Variants in ECEL1 observed in about 807,000 individuals in gnomAD.
ECEL1 encodes the protein endothelin converting enzyme like 1, also known as endothelin-converting enzyme-like 1.
ECEL1 carries 87 observed loss-of-function variants against 101.8 expected under a neutral mutation model. The observed-to-expected ratio is 0.85, with a 90% CI of 0.72 to 1.02. ECEL1 has a LOEUF of 1.02. Among genes scored for constraint, ECEL1 ranks in the 50% least tolerant of loss-of-function variants. The probability of loss-of-function intolerance (pLI) is 0.00; values close to 1 mark genes in which losing one functional copy is unlikely to be tolerated. For synonymous variants in ECEL1, 487 were observed against 468.7 expected, an observed-to-expected ratio of 1.04 and a Z score of -0.50; for missense variants, 1,032 against 1,079.2, an observed-to-expected ratio of 0.96 and a Z score of 0.61.
chr2:232,484,768 C>G, intron 5 of ECEL1, 33 bp downstream of exon 5: 4 of 1,612,890 alleles, frequency 2.5e-6, no homozygotes, highest in Non-Finnish European at 2.5e-6. Flanking sequence ...TGCCCTCAAC[C>G]CTGCCTGCCC....
chr2:232,487,662 G>C (rs965260087), intron 1 of ECEL1, 57 bp downstream of exon 1: 1 of 152,072 alleles, frequency 6.6e-6, no homozygotes, highest in East Asian at 1.9e-4. Flanking sequence ...TGGCGGCGGC[G>C]GCGACGGAAG....
Position 232,481,100 on chromosome 2 carries a change from C to T in ECEL1, c.2046G>A (p.Leu682=), listed in dbSNP as rs752302629. The stretch of plus-strand genomic sequence containing the variant: ...CAGGCAGGCCGCTCACGTGGTAGGC[C>T]AGCTTGAGGCCGCCCATATCTGCGA... The part of the protein sequence containing the change: ...ENIADMGGLK[L]AYHAYQKWVR... Residue 682 remains leucine (L), a synonymous_variant, in exon 15 of 18, where the codon CTG becomes CTA. Transcript: ENST00000304546. The T allele has an allele frequency of 2.0e-5, 32 of 1,560,992 alleles. No homozygotes were observed. In the Admixed American group the frequency reaches 6.1e-4, roughly 30 times the overall value.
rs748438464 is a variant in ECEL1 at position 232,484,975 on chromosome 2, G to T, written c.966+6C>A. ...CCAGGGCAGCCTCCAGTCCTGGTCTGCTCACGTTGGCCAGCTGCTGCTCCA... is the reference window on the plus strand; with the variant it reads ...CCAGGGCAGCCTCCAGTCCTGGTCTTCTCACGTTGGCCAGCTGCTGCTCCA... On this transcript the variant is annotated splice_donor_region_variant and intron_variant, in intron 4 of 17. Coordinates refer to ENST00000304546, the MANE Select transcript of ECEL1 (RefSeq NM_004826.4). The T allele has an allele frequency of 6.2e-7, 1 of 1,612,906 alleles. No homozygotes were observed. The highest frequency in any genetic ancestry group is 1.1e-5 in the South Asian group (1 of 91,080).
At position 232,480,741 on chromosome 2, in the gene ECEL1, G is replaced by A. The variant is rs1690556135; in HGVS notation, c.2128C>T (p.Leu710Phe). Residue 710 changes from leucine (L) to phenylalanine (F), a missense_variant, in exon 16 of 18, where the codon CTC (leucine) becomes TTC (phenylalanine). Physicochemically the swap from Leu to Phe is conservative, Grantham distance 22. Coordinates refer to ENST00000304546, the MANE Select transcript of ECEL1 (RefSeq NM_004826.4). ...LPRLKYTHDQ[L>F]FFIAFAQNWC... ...ACCTGGGCAAAGGCAATGAAGAAGA[G>A]CTGGTCATGTGTGTACTTGAGCCGG... 1 of 1,614,138 alleles carries A rather than the reference G, an allele frequency of 6.2e-7. No homozygotes were observed. Among genetic ancestry groups the A allele is most frequent in the Non-Finnish European group, 8.5e-7 (1 of 1,180,012 alleles).
Position 232,485,095 on chromosome 2 carries a change from C to A in ECEL1, c.856-4G>T. On this transcript the variant is annotated splice_region_variant and splice_polypyrimidine_tract_variant and intron_variant, in intron 3 of 17. Coordinates refer to ENST00000304546, the MANE Select transcript of ECEL1 (RefSeq NM_004826.4). ...ACACCCTGTATGCTGCCAGGATCTG[C>A]ACCAGGGGAGGGGGCTCACCCAGGG... is the stretch of plus-strand genomic sequence containing the variant. The A allele has an allele frequency of 6.2e-7, 1 of 1,611,506 alleles. No homozygotes were observed. Among genetic ancestry groups the A allele is most frequent in the Non-Finnish European group, 8.5e-7 (1 of 1,179,990 alleles).
chr2:232,484,186 C>A lies in ECEL1; in HGVS notation c.1222G>T (p.Val408Phe). 6.2e-7 allele frequency: 1 copy of A among 1,613,074 alleles called. No homozygotes were observed. The highest frequency in any genetic ancestry group is 1.1e-5 in the South Asian group (1 of 91,068). The stretch of plus-strand genomic sequence containing the variant: ...GGCGGGGACAGGTGTTCACTCAGGA[C>A]CACCACCACGCGCCACACCAGGTAG... ...HNYLVWRVVV[V>F]LSEHLSPPFR... The change falls in exon 7 of 18, where the codon GTC becomes TTC. Residue 408 changes from valine (V) to phenylalanine (F), a missense_variant. Val to Phe is a conservative substitution (Grantham distance 50, BLOSUM62 -1). Coordinates refer to ENST00000304546, the MANE Select transcript of ECEL1 (RefSeq NM_004826.4).
intron 10 of ECEL1, 47 bp downstream of exon 10, chr2:232,482,804 T>C: frequency 6.2e-7 from 1 of 1,605,844 alleles, no homozygotes; most frequent in Non-Finnish European, 8.5e-7. Flanking sequence ...CTCCTGCCCT[T>C]TCCCCACAAC....
intron 14 of ECEL1, 48 bp downstream of exon 14, chr2:232,481,458 C>T (rs753679242): frequency 1.2e-5 from 19 of 1,569,960 alleles, no homozygotes; most frequent in East Asian, 7.1e-5. Flanking sequence ...GCTCCCGGCC[C>T]GTGCCCCACC....
At chr2:232,485,788 C>A in intron 2 of ECEL1, 80 bp downstream of exon 2, 1 of 1,507,510 alleles carries the variant, frequency 6.6e-7, no homozygotes. Flanking sequence ...CACCCGCCTC[C>A]CGCGCGCAGG....
chr2:232,482,309 G>A (rs749929884), intron 12 of ECEL1, 109 bp downstream of exon 12: 41 of 1,480,828 alleles, frequency 2.8e-5, no homozygotes, highest in African/African-American at 1.7e-4. Context: ...CCTGAACCCA[G>A]CTGGGTCTGG....
Position 232,485,945 on chromosome 2 carries a change from C to T in ECEL1, c.709G>A (p.Gly237Ser). 1 of 1,586,648 alleles carries T rather than the reference C, an allele frequency of 6.3e-7. No homozygotes were observed. The highest frequency in any genetic ancestry group is 8.6e-7 in the Non-Finnish European group (1 of 1,168,734). Residue 237 changes from glycine to serine, a missense_variant, in exon 2 of 18, where the codon GGC becomes AGC. Coordinates refer to ENST00000304546, the MANE Select transcript of ECEL1 (RefSeq NM_004826.4). ...AAGAGCGCGGCGGCGCTGTACACGC[C>T]CTGCGCCTTGTACAGCAGCCGGTTG... ...DLNRLLYKAQ[G>S]VYSAAALFSL...
Position 232,483,452 on chromosome 2 carries a change from C to A in ECEL1, c.1470G>T (p.Trp490Cys). 1 of 1,612,554 alleles carries A rather than the reference C, an allele frequency of 6.2e-7. No individual in the cohort carries two copies. Among genetic ancestry groups the A allele is most frequent in the Non-Finnish European group, 8.5e-7 (1 of 1,179,708 alleles). The change falls in exon 8 of 18, where the codon TGG becomes TGT. Residue 490 changes from tryptophan (W) to cysteine (C), a missense_variant. Trp to Cys is a radical substitution (Grantham distance 215, BLOSUM62 -2). Transcript: ENST00000304546. Reference protein sequence around the residue: ...ILGQRLEELDWMDAETRAAAR... With the variant: ...ILGQRLEELDCMDAETRAAAR... ...CAGCAGCCCTGGTCTCGGCGTCCAT[C>A]CAGTCCAGCTCCTCCAGGCGCTGGC...
intron 15 of ECEL1, 135 bp downstream of exon 15, chr2:232,480,956 C>T: frequency 7.3e-7 from 1 of 1,370,858 alleles, no homozygotes. Flanking sequence ...ACCGTGGCCC[C>T]AGCACATGCC....
intron 15 of ECEL1, 62 bp from the exon 16 acceptor site, chr2:232,480,875 G>A: frequency 1.3e-6 from 2 of 1,505,598 alleles, no homozygotes; most frequent in South Asian, 2.4e-5. Flanking sequence ...CTTCTTCTCT[G>A]TCCTCCATCT....
At position 232,479,967 on chromosome 2, in the gene ECEL1, A is replaced by G; in HGVS notation, c.*186T>C. 1 of 617,982 alleles carries G rather than the reference A, an allele frequency of 1.6e-6. No individual in the cohort carries two copies. The highest frequency in any genetic ancestry group is 2.9e-6 in the Non-Finnish European group (1 of 348,654). 38.3% of individuals were successfully genotyped at this position (617,982 alleles called of 1,614,324 possible). On this transcript the variant is annotated 3_prime_UTR_variant, in exon 18 of 18. Coordinates refer to ENST00000304546, the MANE Select transcript of ECEL1 (RefSeq NM_004826.4). ...AGTATATTTCCCTCACAGCCCCCCAAAGTCCAGCCTCACCCTGCTCCAGGC... is the reference window on the plus strand; with the variant it reads ...AGTATATTTCCCTCACAGCCCCCCAGAGTCCAGCCTCACCCTGCTCCAGGC...
chr2:232,486,004 T>G lies in ECEL1; in HGVS notation c.650A>C (p.Glu217Ala). 2.5e-6 allele frequency: 4 copies of G among 1,607,504 alleles called. No homozygotes were observed. The highest frequency in any genetic ancestry group is 3.4e-6 in the Non-Finnish European group (4 of 1,178,158). ...TCGCGCCGCGACCCCCGGACGCTCC[T>G]CCGCGCCGCCCAGGTCCCAGCCCCC... is the stretch of plus-strand genomic sequence containing the variant. ...DCGGWDLGGA[E>A]ERPGVAARWD... is the part of the protein sequence containing the mutation. Residue 217 changes from glutamate (E) to alanine (A), a missense_variant, in exon 2 of 18, where the codon GAG becomes GCG. Coordinates refer to ENST00000304546, the MANE Select transcript of ECEL1 (RefSeq NM_004826.4).
chr2:232,487,254 CG>C, intron 1 of ECEL1, among the ~76,000 whole-genome samples: 1 of 152,320 alleles, frequency 6.6e-6, no homozygotes, highest in East Asian at 1.9e-4. Context: ...TCCGCGGGAT[CG>C]ACCACGCCAA....
rs778298175 is a variant in ECEL1, at chr2:232,484,237, G to A, written c.1185-14C>T. Reference sequence around the variant, plus strand: ...TTGTGCAGGACCCTGGGGACCAGGTGAAGCCAGTGGGTGTCCAGACGGACA... The same window carrying A: ...TTGTGCAGGACCCTGGGGACCAGGTAAAGCCAGTGGGTGTCCAGACGGACA... On this transcript the variant is annotated splice_polypyrimidine_tract_variant and intron_variant, in intron 6 of 17. Coordinates refer to ENST00000304546, the MANE Select transcript of ECEL1 (RefSeq NM_004826.4). 6.2e-7 allele frequency: 1 copy of A among 1,604,996 alleles called. No individual in the cohort carries two copies. Among genetic ancestry groups the A allele is most frequent in the South Asian group, 1.1e-5 (1 of 90,694 alleles).
rs1415846626 is a variant in ECEL1, at chr2:232,486,093, G to C, written c.561C>G (p.Cys187Trp). The change falls in exon 2 of 18, where the codon TGC (cysteine) becomes TGG (tryptophan). Residue 187 changes from cysteine (C) to tryptophan (W), a missense_variant. By Grantham distance (215) the Cys-to-Trp change is radical. Coordinates refer to ENST00000304546, the MANE Select transcript of ECEL1 (RefSeq NM_004826.4). Reference sequence around the variant, plus strand: ...GTCGCTCGATCTCGCGCATGTCGAGGCACGAGCGGAAGAAGGCGCGCACCT... The same window carrying C: ...GTCGCTCGATCTCGCGCATGTCGAGCCACGAGCGGAAGAAGGCGCGCACCT... ...QRKVRAFFRS[C>W]LDMREIERLG... 6.3e-7 allele frequency: 1 copy of C among 1,596,344 alleles called. No individual in the cohort carries two copies. The highest frequency in any genetic ancestry group is 8.5e-7 in the Non-Finnish European group (1 of 1,172,868).
Sources: allele counts gnomAD v4.1 joint callset (sites outside exome capture counted in the v4.1 genomes callset), GRCh38; gene constraint gnomAD v4.1.1; transcripts MANE v1.5; gene names NCBI Gene and HGNC (gene_info 2026-07-23, HGNC 2026-07-21).